Variants in NEK9 observed in about 807,000 individuals in gnomAD.
NEK9 encodes NIMA related kinase 9, also known as serine/threonine-protein kinase Nek9.
NEK9 carries 75 observed loss-of-function variants against 123.4 expected under a neutral mutation model. That is an observed-to-expected ratio of 0.61 (90% CI 0.50 to 0.74). The LOEUF is 0.74. Ranked by LOEUF, NEK9 falls within the 30% of genes least tolerant of loss-of-function variation. NEK9 has a pLI of 0.00. For missense variants in NEK9, 952 were observed against 1,214.4 expected (o/e 0.78, Z 3.21); for synonymous variants, 438 against 458.7 (o/e 0.95, Z 0.58).
chr14:75,114,459 A>G (rs564481235), intron 6 of NEK9, 146 bp from the exon 7 acceptor site: 1 of 636,348 alleles, frequency 1.6e-6, no homozygotes, highest in Non-Finnish European at 2.8e-6. Flanking sequence ...GTATGCATCA[A>G]AAAAAAATGG....
intron 10 of NEK9, among the ~76,000 whole-genome samples, chr14:75,107,909 C>T (rs910590356): frequency 6.6e-6 from 1 of 151,976 alleles, no homozygotes; most frequent in Admixed American, 6.6e-5. Context: ...CTAAGGTAAA[C>T]TATATATTTA....
rs35358755 is a variant in NEK9, at chr14:75,108,514, C to CGTGT, written c.1183-1031_1183-1028dup. On this transcript the variant is annotated intron_variant, in intron 10 of 21. Transcript: ENST00000238616. Reference sequence around the variant, plus strand: ...TTATATATATATGTGTGTGCGTGTGCGTGTGTGTGTGTGTGTGTGTGTGTG... The same window carrying CGTGT: ...TTATATATATATGTGTGTGCGTGTGCGTGTGTGTGTGTGTGTGTGTGTGTGTGTG... 7.1e-3 allele frequency among the ~76,000 whole-genome samples: 1,047 copies of CGTGT among 147,902 alleles called. 9 individuals are homozygous for CGTGT. The highest frequency in any genetic ancestry group is 0.025 in the African/African-American group (994 of 40,040).
Position 75,087,169 on chromosome 14 carries a change from G to A in NEK9, c.2666C>T (p.Ala889Val), listed in dbSNP as rs752505245. The change falls in exon 21 of 22, where the codon GCG becomes GTG. Residue 889 changes from alanine to valine, a missense_variant. This residue lies in a region of NEK9 where 698 missense variants were observed against 875.6 expected (regional missense o/e 0.80). Coordinates refer to ENST00000238616, the MANE Select transcript of NEK9 (RefSeq NM_033116.6). Reference sequence around the variant, plus strand: ...CACCTGCAGAGAGCTGCACGCACACGCAGGAGGAGTCAGTGGTGTTCCCTT... The same window carrying A: ...CACCTGCAGAGAGCTGCACGCACACACAGGAGGAGTCAGTGGTGTTCCCTT... ...AGKGTPLTPP[A>V]CACSSLQVEV... 4.3e-6 allele frequency: 7 copies of A among 1,614,010 alleles called. No homozygotes were observed. The highest frequency in any genetic ancestry group is 1.1e-5 in the South Asian group (1 of 91,086).
At position 75,118,940 on chromosome 14, in the gene NEK9, A is replaced by G. The variant is rs1895229586; in HGVS notation, c.525-5T>C. The stretch of plus-strand genomic sequence containing the variant: ...ATATTTAATGTCTTTATATCTCTGA[A>G]AAAAAAAGATGCTGCAAATTAAGTT... On this transcript the variant is annotated splice_region_variant and splice_polypyrimidine_tract_variant and intron_variant, in intron 4 of 21. Coordinates refer to ENST00000238616, the MANE Select transcript of NEK9 (RefSeq NM_033116.6). The G allele has an allele frequency of 2.1e-6, 3 of 1,398,176 alleles. No individual in the cohort carries two copies. The East Asian group carries it at 6.8e-5, about 32-fold the overall frequency. The allele number at this position is 1,398,176 out of a possible 1,614,324, so 86.6% of individuals were successfully genotyped here.
intron 5 of NEK9, among the ~76,000 whole-genome samples, chr14:75,118,303 A>G (rs193215865): frequency 6.1e-4 from 93 of 152,308 alleles, no homozygotes; most frequent in African/African-American, 2.2e-3. Context: ...ATAATTCCTA[A>G]AAGGATAAGA....
rs1005215643 is a variant in NEK9 at position 75,081,357 on chromosome 14, ATG to A, written c.*3205_*3206del. On this transcript the variant is annotated 3_prime_UTR_variant, in exon 22 of 22. Coordinates refer to ENST00000238616, the MANE Select transcript of NEK9 (RefSeq NM_033116.6). The surrounding 1 kb of genome is among the most constrained non-coding windows in gnomAD (Gnocchi z 4.2). ...CACAGCTACACAGGTGGTAACAGAGATGTGACATAGTGGAGTTTTTCTCCCTA... is the reference window on the plus strand; with the variant it reads ...CACAGCTACACAGGTGGTAACAGAGATGACATAGTGGAGTTTTTCTCCCTA... 3 of 152,226 alleles carry A rather than the reference ATG, an allele frequency of 2.0e-5. No individual in the cohort carries two copies. The highest frequency in any genetic ancestry group is 7.2e-5 in the African/African-American group (3 of 41,460). 9.4% of individuals were successfully genotyped at this position (152,226 alleles called of 1,614,324 possible).
In NEK9 at chr14:75,106,716, G is replaced by A; in HGVS notation, c.1328-14C>T. On this transcript the variant is annotated splice_polypyrimidine_tract_variant and intron_variant, in intron 11 of 21. Coordinates refer to ENST00000238616, the MANE Select transcript of NEK9 (RefSeq NM_033116.6). ...GCTGACCCTCATCTGCAAAAGAAAG[G>A]AAAACAGAATCCATCAAAGGACTGA... The A allele has an allele frequency of 6.2e-7, 1 of 1,600,656 alleles. No individual in the cohort carries two copies. The highest frequency in any genetic ancestry group is 8.5e-7 in the Non-Finnish European group (1 of 1,171,352).
At chr14:75,091,529 G>A in intron 18 of NEK9, 51 bp from the exon 19 acceptor site, 2 of 1,424,538 alleles carry the variant, frequency 1.4e-6, no homozygotes, top group Admixed American at 5.2e-5. Flanking sequence ...CAGCAAGACA[G>A]ATTTACCATT....
chr14:75,126,572 G>A, intron 1 of NEK9, 131 bp downstream of exon 1: 3 of 533,194 alleles, frequency 5.6e-6, no homozygotes, highest in South Asian at 4.2e-5. Context: ...GAGTGGTGAA[G>A]ACCCTAAGAC....
intron 9 of NEK9, 100 bp from the exon 10 acceptor site, chr14:75,109,977 T>A: frequency 8.9e-7 from 1 of 1,126,510 alleles, no homozygotes; most frequent in African/African-American, 1.6e-5. Flanking sequence ...CCAATTATGG[T>A]ATGAGAAAGT....
In NEK9 at chr14:75,114,249, T is replaced by A; in HGVS notation, c.827A>T (p.Gln276Leu). 1 of 1,614,134 alleles carries A rather than the reference T, an allele frequency of 6.2e-7. No individual in the cohort carries two copies. The highest frequency in any genetic ancestry group is 1.3e-5 in the African/African-American group (1 of 75,038). ...CATTTGGATCAATTCCAAAGAGTAC[T>A]GGCTAGAGTCAACTTCCATGGCCCG... is the stretch of plus-strand genomic sequence containing the variant. ...GIRAMEVDSSQYSLELIQMVH... is the reference protein window; with the variant it reads ...GIRAMEVDSSLYSLELIQMVH... Residue 276 changes from glutamine (Q) to leucine (L), a missense_variant, in exon 7 of 22, where the codon CAG becomes CTG. Physicochemically the swap from Gln to Leu is moderately radical, Grantham distance 113. This residue lies in a region of NEK9 where 698 missense variants were observed against 875.6 expected (regional missense o/e 0.80). Coordinates refer to ENST00000238616, the MANE Select transcript of NEK9 (RefSeq NM_033116.6).
Position 75,126,702 on chromosome 14 carries a change from C to A in NEK9, c.219+1G>T. The stretch of plus-strand genomic sequence containing the variant: ...GGGCGGCCGGCGCCGAGGGCCGCTA[C>A]CTCGGTGCGGCGGTACAGCGTGGCT... On this transcript the variant is annotated splice_donor_variant, in intron 1 of 21. Transcript: ENST00000238616. LOFTEE classifies it high-confidence loss of function. The A allele has an allele frequency of 7.1e-7, 1 of 1,417,362 alleles. No homozygotes were observed. Among genetic ancestry groups the A allele is most frequent in the South Asian group, 1.6e-5 (1 of 64,388 alleles). 87.8% of individuals were successfully genotyped at this position (1,417,362 alleles called of 1,614,324 possible). A position where few individuals can be genotyped will look rare whatever the true frequency, so the allele number is the denominator to read the frequency against.
In NEK9 at chr14:75,091,270, C is replaced by T; in HGVS notation, c.2442G>A (p.Lys814=). The part of the protein sequence containing the change: ...ASSSCPGWLR[K]ELENAEFIPM... ...AAGTTACTTCTTCCAAAGGAATTAC[C>T]TTTCGAAGCCAGCCAGGACAGGAGC... Residue 814 remains lysine (K), a splice_region_variant and synonymous_variant, in exon 19 of 22, where the codon AAG becomes AAA. Transcript: ENST00000238616. 6.2e-7 allele frequency: 1 copy of T among 1,604,894 alleles called. No individual in the cohort carries two copies. The highest frequency in any genetic ancestry group is 1.1e-5 in the South Asian group (1 of 89,512).
At chr14:75,091,073 G>A (rs1359493224) in intron 19 of NEK9, among the ~76,000 whole-genome samples, 197 bp downstream of exon 19, 2 of 152,144 alleles carry the variant, frequency 1.3e-5, no homozygotes, top group Admixed American at 6.5e-5. Context: ...AAGGGTATGA[G>A]AACATTTTTT....
At chr14:75,115,046 T>C (rs1210714890) in intron 6 of NEK9, among the ~76,000 whole-genome samples, 2 of 144,220 alleles carry the variant, frequency 1.4e-5, no homozygotes, top group Admixed American at 7.1e-5. Context: ...TATGTGCATG[T>C]GTACATGTAC....
Position 75,124,174 on chromosome 14 carries a change from T to G in NEK9, c.269A>C (p.Glu90Ala), listed in dbSNP as rs770147838. The G allele has an allele frequency of 2.8e-5, 45 of 1,614,122 alleles. No homozygotes were observed. Among genetic ancestry groups the G allele is most frequent in the Non-Finnish European group, 3.7e-5 (44 of 1,179,980 alleles). Residue 90 changes from glutamate (E) to alanine (A), a missense_variant, in exon 2 of 22, where the codon GAG becomes GCG. Glu to Ala is a moderately radical substitution (Grantham distance 107). Around this residue, in one of 4 missense-constraint regions of NEK9, gnomAD observed 106 missense variants for 153.0 expected, o/e 0.69. Transcript: ENST00000238616. ...ATTCAAGGCATCACGACGTTCCTTC[T>G]CAGACAGCCGGGTCAAATCGACTTC... Reference protein sequence around the residue: ...WKEVDLTRLSEKERRDALNEI... With the variant: ...WKEVDLTRLSAKERRDALNEI...
intron 21 of NEK9, chr14:75,086,626 G>A (rs546240209): frequency 4.0e-5 from 7 of 174,156 alleles, no homozygotes; most frequent in South Asian, 2.8e-4. Flanking sequence ...ACTAAGGATC[G>A]GCCAGGCGTG....
intron 16 of NEK9, among the ~76,000 whole-genome samples, chr14:75,099,239 C>T (rs566022047): frequency 6.6e-6 from 1 of 152,018 alleles, no homozygotes; most frequent in East Asian, 1.9e-4. Flanking sequence ...GCAGGAGAAG[C>T]ACTTGAACCC....
chr14:75,124,485 G>A (rs1205914560), intron 1 of NEK9, among the ~76,000 whole-genome samples: 2 of 152,124 alleles, frequency 1.3e-5, no homozygotes, highest in East Asian at 3.8e-4. Context: ...TATGGGCTGG[G>A]GATAGATCTC....
Sources: allele counts gnomAD v4.1 joint callset (sites outside exome capture counted in the v4.1 genomes callset), GRCh38; gene constraint gnomAD v4.1.1; regional missense constraint gnomAD v4.1.1; non-coding constraint Gnocchi (gnomAD v3.1); transcripts MANE v1.5; gene names NCBI Gene and HGNC (gene_info 2026-07-23, HGNC 2026-07-21).